The following CMSS1 variants were observed in gnomAD, a reference collection of about 807,000 sequenced individuals.
CMSS1 encodes protein CMSS1.
In CMSS1, 33 loss-of-function variants were observed where a neutral mutation model predicts 43.5. The observed-to-expected ratio is 0.76, with a 90% confidence interval of 0.57 to 1.01. The LOEUF (loss-of-function observed/expected upper bound fraction) is 1.01, where lower values mean the gene tolerates loss of function less well. Among genes scored for constraint, CMSS1 ranks in the 50% least tolerant of loss-of-function variants. The pLI is 0.00. For missense variants in CMSS1, 313 were observed against 326.4 expected, an observed-to-expected ratio of 0.96 and a Z score of 0.32; for synonymous variants, 115 against 117.2, an observed-to-expected ratio of 0.98 and a Z score of 0.12.
intron 1 of CMSS1, among the ~76,000 whole-genome samples, chr3:100,076,113 G>A (rs2065846219): frequency 6.6e-6 from 1 of 152,156 alleles, no homozygotes; most frequent in Non-Finnish European, 1.5e-5. Context: ...TCTGCCATAT[G>A]TATAATTAAG....
At chr3:99,851,951 TTGATGAGAGTC>T (rs1352613635) in intron 1 of CMSS1, among the ~76,000 whole-genome samples, 1 of 152,210 alleles carries the variant, frequency 6.6e-6, no homozygotes, top group Non-Finnish European at 1.5e-5. Flanking sequence ...AAAGTGCTTA[TTGATGAGAGTC>T]TGATGCTAGA....
chr3:99,982,765 C>G (rs756197683), intron 1 of CMSS1, among the ~76,000 whole-genome samples: 7 of 152,148 alleles, frequency 4.6e-5, no homozygotes, highest in Admixed American at 2.0e-4. Flanking sequence ...ATAGAATGAT[C>G]CTTCCTCATT....
chr3:99,901,807 A>G (rs1706446381), intron 1 of CMSS1, among the ~76,000 whole-genome samples: 1 of 152,160 alleles, frequency 6.6e-6, no homozygotes, highest in Non-Finnish European at 1.5e-5. Flanking sequence ...TAGGTTAGGA[A>G]GAGTCTCAAC....
At chr3:99,962,029 G>A (rs1034970732) in intron 1 of CMSS1, among the ~76,000 whole-genome samples, 2 of 152,108 alleles carry the variant, frequency 1.3e-5, no homozygotes, top group Non-Finnish European at 2.9e-5. Context: ...TAGGGATGTC[G>A]GGGAAATTTT....
At chr3:100,063,746 T>G (rs1351136071) in intron 1 of CMSS1, among the ~76,000 whole-genome samples, 1 of 152,200 alleles carries the variant, frequency 6.6e-6, no homozygotes, top group Non-Finnish European at 1.5e-5. Flanking sequence ...AAAGTCAACC[T>G]GAATAAAATT....
At chr3:100,073,555 C>T (rs779786858) in intron 1 of CMSS1, among the ~76,000 whole-genome samples, 2 of 152,106 alleles carry the variant, frequency 1.3e-5, no homozygotes, top group Admixed American at 1.3e-4. Flanking sequence ...AAATAAGGAA[C>T]TTGGGTCCAG....
At chr3:100,132,445 A>G (rs562296342) in intron 1 of CMSS1, among the ~76,000 whole-genome samples, 1 of 152,282 alleles carries the variant, frequency 6.6e-6, no homozygotes, top group East Asian at 1.9e-4. Flanking sequence ...TAACCTTAAA[A>G]TTAATAGAGC....
chr3:100,042,608 A>G (rs1323383948), intron 1 of CMSS1, among the ~76,000 whole-genome samples: 1 of 152,244 alleles, frequency 6.6e-6, no homozygotes, highest in Admixed American at 6.5e-5. Flanking sequence ...AGAGTACATA[A>G]TTAGAACAAT....
At chr3:100,156,869 C>A (rs2066979817) in intron 2 of CMSS1, among the ~76,000 whole-genome samples, 1 of 152,184 alleles carries the variant, frequency 6.6e-6, no homozygotes, top group African/African-American at 2.4e-5. Flanking sequence ...CCTGCCTCGG[C>A]CTCCCAAAGT....
At chr3:99,911,121 C>T (rs943751074) in intron 1 of CMSS1, among the ~76,000 whole-genome samples, 3 of 152,052 alleles carry the variant, frequency 2.0e-5, no homozygotes, top group African/African-American at 7.2e-5. Context: ...CCCACATCTC[C>T]CTTTCTGGGA....
chr3:99,962,236 G>A (rs1708515167), intron 1 of CMSS1, among the ~76,000 whole-genome samples: 1 of 152,060 alleles, frequency 6.6e-6, no homozygotes, highest in African/African-American at 2.4e-5. Context: ...GGTGAGGAGT[G>A]GGGAAAACAG....
At chr3:100,012,540 A>G (rs1710188320) in intron 1 of CMSS1, among the ~76,000 whole-genome samples, 1 of 151,958 alleles carries the variant, frequency 6.6e-6, no homozygotes, top group Admixed American at 6.6e-5. Context: ...GGGAATAAGA[A>G]TTTTCTCTAA....
intron 1 of CMSS1, among the ~76,000 whole-genome samples, chr3:99,837,744 T>C (rs1333092521): frequency 1.3e-5 from 2 of 152,260 alleles, no homozygotes; most frequent in African/African-American, 2.4e-5. Context: ...GCCAGTCTTA[T>C]TAAGTTACAG....
At chr3:100,049,772 TTTC>T (rs2065339092) in intron 1 of CMSS1, among the ~76,000 whole-genome samples, 1 of 152,232 alleles carries the variant, frequency 6.6e-6, no homozygotes, top group African/African-American at 2.4e-5. Flanking sequence ...CTTCTAACAT[TTTC>T]TTTTCTCTAG....
chr3:100,057,289 A>G (rs1006492922), intron 1 of CMSS1, among the ~76,000 whole-genome samples: 1 of 152,230 alleles, frequency 6.6e-6, no homozygotes, highest in African/African-American at 2.4e-5. Context: ...CCAGGAAAGC[A>G]GTGAGATGTT....
intron 1 of CMSS1, among the ~76,000 whole-genome samples, chr3:99,839,219 A>G (rs538525539): frequency 2.6e-5 from 4 of 152,260 alleles, no homozygotes; most frequent in South Asian, 4.1e-4. Context: ...CTTACTGTCT[A>G]TATAGTTCCT....
chr3:99,953,488 C>T (rs1192083769), intron 1 of CMSS1, among the ~76,000 whole-genome samples: 1 of 152,078 alleles, frequency 6.6e-6, no homozygotes, highest in East Asian at 1.9e-4. Flanking sequence ...ATTATTATGT[C>T]CTAGGAAGGT....
chr3:99,843,686 T>C (rs1032926599), intron 1 of CMSS1, among the ~76,000 whole-genome samples: 1 of 152,064 alleles, frequency 6.6e-6, no homozygotes, highest in African/African-American at 2.4e-5. Context: ...AAATCTACAA[T>C]TGGGCAAAAT....
At chr3:100,117,864 T>TACAC (rs1204858444) in intron 1 of CMSS1, among the ~76,000 whole-genome samples, 17 of 139,378 alleles carry the variant, frequency 1.2e-4, no homozygotes, top group South Asian at 2.2e-4. Flanking sequence ...CATATATATA[T>TACAC]ATATATATAT....
Sources: gnomAD v4.1 joint callset for allele counts (sites outside exome capture counted in the v4.1 genomes callset) on GRCh38, gnomAD v4.1.1 for gene constraint, MANE v1.5 for transcripts, NCBI Gene and HGNC (gene_info 2026-07-23, HGNC 2026-07-21) for gene names.